Variants in DMKN observed in about 807,000 individuals in gnomAD.
DMKN encodes the protein dermokine.
DMKN carries 58 observed loss-of-function variants against 67.6 expected under a neutral mutation model. That is an observed-to-expected ratio of 0.86 (90% confidence interval 0.69 to 1.07). The LOEUF is 1.07. Among genes scored for constraint, DMKN ranks in the 50% least tolerant of loss-of-function variants. The pLI, the probability that DMKN is intolerant of heterozygous loss-of-function variation, is 0.00. For synonymous variants in DMKN, 240 were observed against 232.3 expected, an observed-to-expected ratio of 1.03 and a Z score of -0.30; for missense variants, 596 against 601.5, an observed-to-expected ratio of 0.99 and a Z score of 0.10.
chr19:35,511,352 C>T lies in DMKN; in HGVS notation c.918+59G>A, dbSNP rs1392066253. The T allele has an allele frequency of 3.8e-6, 6 of 1,599,012 alleles. No homozygotes were observed. The Admixed American group carries it at 5.0e-5, about 13-fold the overall frequency. ...TTCAGAGAAACTTGGAGCCCTCTCCCGGCAGGGACCACTAGGGCCTCACCC... is the reference window on the plus strand; with the variant it reads ...TTCAGAGAAACTTGGAGCCCTCTCCTGGCAGGGACCACTAGGGCCTCACCC... On this transcript the variant is annotated intron_variant, in intron 5 of 15. Coordinates refer to ENST00000339686, the MANE Select transcript of DMKN (RefSeq NM_033317.5).
intron 11 of DMKN, 101 bp downstream of exon 11, chr19:35,502,035 T>C: frequency 6.3e-6 from 10 of 1,598,034 alleles, no homozygotes; most frequent in Non-Finnish European, 8.6e-6. Context: ...CCTGGGAAAG[T>C]GGGAAGGGAG....
At chr19:35,500,089 A>G in intron 12 of DMKN, 60 bp from the exon 13 acceptor site, 1 of 1,578,096 alleles carries the variant, frequency 6.3e-7, no homozygotes, top group East Asian at 2.2e-5. Flanking sequence ...TTGCTCTGGA[A>G]TAAACATCCC....
chr19:35,510,304 C>T (rs747433254), intron 5 of DMKN, 52 bp from the exon 6 acceptor site: 10 of 1,558,478 alleles, frequency 6.4e-6, no homozygotes, highest in Non-Finnish European at 8.7e-6. Flanking sequence ...CTAAAGGGGA[C>T]CCAGTCGTTC....
In DMKN at chr19:35,500,537, T is replaced by C; in HGVS notation, c.1283A>G (p.Asp428Gly). The change falls in exon 12 of 16, where the codon GAT becomes GGT. Residue 428 changes from aspartate (D) to glycine (G), a missense_variant. Transcript: ENST00000339686. ...AACTTGAGGACAGAGACTCACCTGATCGTCTCTGCCTGCACGTTTCTGCAG... is the reference window on the plus strand; with the variant it reads ...AACTTGAGGACAGAGACTCACCTGACCGTCTCTGCCTGCACGTTTCTGCAG... ...SSLQKRAGRDDQNYNYNQHAY... is the reference protein window; with the variant it reads ...SSLQKRAGRDGQNYNYNQHAY... 6.2e-7 allele frequency: 1 copy of C among 1,611,828 alleles called. No individual in the cohort carries two copies.
Position 35,511,403 on chromosome 19 carries a change from A to G in DMKN, c.918+8T>C. The stretch of plus-strand genomic sequence containing the variant: ...CATCTCAGCCTTCCACAGAGGTGCC[A>G]AACTCACCCAGGAGGACTCACTGCC... On this transcript the variant is annotated splice_region_variant and intron_variant, in intron 5 of 15. Transcript: ENST00000339686. The G allele has an allele frequency of 6.2e-7, 1 of 1,606,758 alleles. No individual in the cohort carries two copies. Among genetic ancestry groups the G allele is most frequent in the Non-Finnish European group, 8.5e-7 (1 of 1,179,436 alleles).
intron 7 of DMKN, chr19:35,508,349 C>G (rs11084818): frequency 0.31 from 416,171 of 1,348,802 alleles, 66,761 homozygotes; most frequent in East Asian, 0.45. Context: ...TAATGGCACT[C>G]TCTTTTGGAA....
intron 9 of DMKN, among the ~76,000 whole-genome samples, chr19:35,503,137 G>A (rs922272938): frequency 6.6e-6 from 1 of 152,172 alleles, no homozygotes; most frequent in Non-Finnish European, 1.5e-5. Flanking sequence ...GCCTCCAGCA[G>A]AACCTAATTC....
Position 35,512,578 on chromosome 19 carries a change from G to C in DMKN, c.627+12C>G, listed in dbSNP as rs745971999. 7 of 1,614,118 alleles carry C rather than the reference G, an allele frequency of 4.3e-6. No individual in the cohort carries two copies. The South Asian group carries it at 7.7e-5, about 18-fold the overall frequency. On this transcript the variant is annotated intron_variant, in intron 2 of 15. Transcript: ENST00000339686. ...GGGAGGTGGCAGGTAGCAGGTCTGG[G>C]GGTGACTTTACCTGAGTGTTGGTCC...
chr19:35,499,823 T>G, intron 13 of DMKN, 135 bp downstream of exon 13: 1 of 849,650 alleles, frequency 1.2e-6, no homozygotes, highest in South Asian at 1.6e-5. Context: ...TGCAAAGGGG[T>G]GGGGAGGCCT....
At chr19:35,506,505 C>T (rs1207219749) in intron 7 of DMKN, 5 of 525,378 alleles carry the variant, frequency 9.5e-6, no homozygotes, top group Non-Finnish European at 1.8e-5. Flanking sequence ...CGCCAAGCAC[C>T]ATGCCTTATG....
intron 12 of DMKN, 180 bp downstream of exon 12, chr19:35,500,353 A>C (rs899314065): frequency 1.9e-6 from 3 of 1,550,400 alleles, no homozygotes. Flanking sequence ...GACGTAACCC[A>C]GCGGGTCCAT....
At chr19:35,503,395 C>A in intron 9 of DMKN, 1 of 1,550,778 alleles carries the variant, frequency 6.4e-7, no homozygotes, top group Non-Finnish European at 8.7e-7. Context: ...GGCTCCCATC[C>A]AATCTGGTGG....
rs148307689 is a variant in DMKN at position 35,513,409 on chromosome 19, G to T, written c.67C>A (p.Pro23Thr). 8.3e-4 allele frequency: 1,340 copies of T among 1,605,694 alleles called. 3 individuals are homozygous for T. The highest frequency in any genetic ancestry group is 8.4e-4 in the Non-Finnish European group (996 of 1,179,976). The change falls in exon 1 of 16, where the codon CCC (proline) becomes ACC (threonine). Residue 23 changes from proline (P) to threonine (T), a missense_variant. Transcript: ENST00000339686. ...ALCLGSGEAG[P>T]LQSGEESTGT... Reference sequence around the variant, plus strand: ...GTGCTTTCCTCTCCGCTCTGCAGGGGGCCAGCCTCCCCACTGCCCAGGCAG... The same window carrying T: ...GTGCTTTCCTCTCCGCTCTGCAGGGTGCCAGCCTCCCCACTGCCCAGGCAG...
chr19:35,510,133 G>T, intron 6 of DMKN, 51 bp downstream of exon 6: 1 of 1,574,420 alleles, frequency 6.4e-7, no homozygotes, highest in Admixed American at 1.8e-5. Flanking sequence ...GAAACCAGCT[G>T]CTCTCCTTTT....
chr19:35,498,445 G>A lies in DMKN; in HGVS notation c.*271C>T, dbSNP rs28552851. ...TCTGGTCTCAAACTCCCAGACTCAAGTGATCCTCCCACCCCAGCCTCCCAA... is the reference window on the plus strand; with the variant it reads ...TCTGGTCTCAAACTCCCAGACTCAAATGATCCTCCCACCCCAGCCTCCCAA... On this transcript the variant is annotated intron_variant, in intron 15 of 15. Transcript: ENST00000339686. 1.8e-3 allele frequency: 975 copies of A among 528,166 alleles called. 3 individuals are homozygous for A. The highest frequency in any genetic ancestry group is 0.017 in the African/African-American group (903 of 51,868). The allele number at this position is 528,166 out of a possible 1,614,324, so 32.7% of individuals were successfully genotyped here.
chr19:35,502,694 G>C (rs1300411935), intron 10 of DMKN, 136 bp downstream of exon 10: 1 of 864,486 alleles, frequency 1.2e-6, no homozygotes, highest in African/African-American at 1.7e-5. Flanking sequence ...GATAGAGCGA[G>C]ACTCTGTCTC....
chr19:35,498,748 G>A lies in DMKN; in HGVS notation c.1399C>T (p.Pro467Ser). The A allele has an allele frequency of 6.2e-7, 1 of 1,614,180 alleles. No individual in the cohort carries two copies. The highest frequency in any genetic ancestry group is 8.5e-7 in the Non-Finnish European group (1 of 1,180,028). Residue 467 changes from proline to serine, a missense_variant, in exon 15 of 16, where the codon CCT (proline) becomes TCT (serine). Physicochemically the swap from Pro to Ser is moderately conservative, Grantham distance 74. Transcript: ENST00000339686. ...SPSSSASRVQPGLLQWVKFW is the reference protein window; with the variant it reads ...SPSSSASRVQSGLLQWVKFW ...AACTTCACCCACTGCAGCAGGCCAG[G>A]TTGCACCCGGGAAGCCTGCCAGAAA...
At chr19:35,503,513 T>C (rs924273688) in intron 9 of DMKN, 209 of 1,533,078 alleles carry the variant, frequency 1.4e-4, no homozygotes, top group Non-Finnish European at 1.8e-4. Flanking sequence ...TCTCGCTCTG[T>C]CGCCCAGGCT....
rs772262748 is a variant in DMKN at position 35,513,486 on chromosome 19, C to T, written c.-11G>A. 12 of 1,588,458 alleles carry T rather than the reference C, an allele frequency of 7.6e-6. No individual in the cohort carries two copies. In the African/African-American group the frequency reaches 1.6e-4, roughly 21 times the overall value. Reference sequence around the variant, plus strand: ...CCCCTGGAACTTCATCTCTGCCCAGCCCCCTCTCTCTCCAGAGTGTCTTCC... The same window carrying T: ...CCCCTGGAACTTCATCTCTGCCCAGTCCCCTCTCTCTCCAGAGTGTCTTCC... On this transcript the variant is annotated 5_prime_UTR_variant, in exon 1 of 16. Coordinates refer to ENST00000339686, the MANE Select transcript of DMKN (RefSeq NM_033317.5).
Sources: allele counts gnomAD v4.1 joint callset (sites outside exome capture counted in the v4.1 genomes callset), GRCh38; gene constraint gnomAD v4.1.1; transcripts MANE v1.5; gene names NCBI Gene and HGNC (gene_info 2026-07-23, HGNC 2026-07-21).